IKZF3: variants seen among roughly 807,000 people sequenced by gnomAD.
IKZF3 encodes the protein IKAROS family zinc finger 3.
IKZF3 carries 10 observed loss-of-function variants against 49.0 expected under a neutral mutation model. That is an observed-to-expected ratio of 0.20 (90% CI 0.13 to 0.35). IKZF3 has a LOEUF of 0.35. Among genes scored for constraint, IKZF3 ranks in the 10% least tolerant of loss-of-function variants. IKZF3 has a pLI of 1.00. For synonymous variants in IKZF3, 209 were observed against 228.2 expected, an observed-to-expected ratio of 0.92 and a Z score of 0.76; for missense variants, 498 against 664.8, an observed-to-expected ratio of 0.75 and a Z score of 2.76.
chr17:39,841,723 C>T (rs1333276249), intron 1 of IKZF3, among the ~76,000 whole-genome samples: 1 of 152,050 alleles, frequency 6.6e-6, no homozygotes, highest in Non-Finnish European at 1.5e-5. Flanking sequence ...AGTGGATGTA[C>T]TGGCATGAAC....
intron 1 of IKZF3, among the ~76,000 whole-genome samples, chr17:39,855,412 T>A (rs577377879): frequency 5.3e-5 from 8 of 152,312 alleles, no homozygotes; most frequent in Admixed American, 5.2e-4. Flanking sequence ...ACTTGTTCAG[T>A]CATTATTTGT....
chr17:39,798,184 C>A (rs896284472), intron 3 of IKZF3, among the ~76,000 whole-genome samples: 1 of 152,188 alleles, frequency 6.6e-6, no homozygotes, highest in Non-Finnish European at 1.5e-5. Flanking sequence ...GTAGCCCCCG[C>A]ACTGTTCTCT....
intron 1 of IKZF3, among the ~76,000 whole-genome samples, chr17:39,840,356 T>C (rs912799015): frequency 6.6e-6 from 1 of 152,214 alleles, no homozygotes; most frequent in East Asian, 1.9e-4. Flanking sequence ...AAATGGGGCC[T>C]GCCCTTGTAT....
chr17:39,849,511 T>C (rs2062735646), intron 1 of IKZF3, among the ~76,000 whole-genome samples: 1 of 151,902 alleles, frequency 6.6e-6, no homozygotes, highest in South Asian at 2.1e-4. Context: ...ACACAAAAAT[T>C]AGCCAGGTGG....
chr17:39,860,064 T>C (rs1412429185), intron 1 of IKZF3, among the ~76,000 whole-genome samples: 4 of 152,066 alleles, frequency 2.6e-5, no homozygotes, highest in African/African-American at 9.7e-5. Flanking sequence ...AGACCCCCAT[T>C]TCTACAAAAA....
intron 1 of IKZF3, chr17:39,835,940 C>T: frequency 3.1e-6 from 2 of 651,976 alleles, no homozygotes; most frequent in South Asian, 2.9e-5. Context: ...TCAGCTTCTC[C>T]TGGCCTAGAG....
chr17:39,850,339 T>G (rs922448125), intron 1 of IKZF3, among the ~76,000 whole-genome samples: 2 of 137,836 alleles, frequency 1.5e-5, no homozygotes, highest in African/African-American at 5.4e-5. Flanking sequence ...TAGCATATTA[T>G]ACATGTACAT....
intron 1 of IKZF3, among the ~76,000 whole-genome samples, chr17:39,852,292 C>A (rs2062899711): frequency 6.6e-6 from 1 of 152,162 alleles, no homozygotes; most frequent in Non-Finnish European, 1.5e-5. Flanking sequence ...GGTCTGTAAT[C>A]AACGTTTCTA....
chr17:39,851,405 C>T (rs1255470712), intron 1 of IKZF3, among the ~76,000 whole-genome samples: 1 of 151,990 alleles, frequency 6.6e-6, no homozygotes, highest in East Asian at 1.9e-4. Context: ...TGTAATACAG[C>T]CAAACACTGG....
intron 1 of IKZF3, among the ~76,000 whole-genome samples, chr17:39,854,719 G>T (rs2062988332): frequency 6.6e-6 from 1 of 152,172 alleles, no homozygotes; most frequent in South Asian, 2.1e-4. Context: ...GGAGAAGTTG[G>T]TTTGGATTGG....
At chr17:39,782,264 G>C (rs952407025) in intron 6 of IKZF3, among the ~76,000 whole-genome samples, 1 of 152,142 alleles carries the variant, frequency 6.6e-6, no homozygotes, top group African/African-American at 2.4e-5. Context: ...AACACAAAGA[G>C]CCAGGTTCCA....
chr17:39,820,848 A>G (rs1429534188), intron 3 of IKZF3, among the ~76,000 whole-genome samples: 2 of 152,166 alleles, frequency 1.3e-5, no homozygotes, highest in Non-Finnish European at 2.9e-5. Context: ...TCAGGGAAGA[A>G]GAGAGAGGAA....
intron 1 of IKZF3, among the ~76,000 whole-genome samples, chr17:39,853,059 T>C (rs1233221928): frequency 6.6e-6 from 1 of 151,892 alleles, no homozygotes; most frequent in Non-Finnish European, 1.5e-5. Context: ...AGAGGAGAGG[T>C]CCCTGACCCT....
chr17:39,805,177 T>C (rs1194179263), intron 3 of IKZF3, among the ~76,000 whole-genome samples: 2 of 152,172 alleles, frequency 1.3e-5, no homozygotes, highest in African/African-American at 4.8e-5. Flanking sequence ...TTAGCACTGA[T>C]ACAGAGCTCA....
chr17:39,801,483 G>C (rs2061315919), intron 3 of IKZF3, among the ~76,000 whole-genome samples: 1 of 152,120 alleles, frequency 6.6e-6, no homozygotes, highest in Admixed American at 6.5e-5. Flanking sequence ...GCACTAAAGA[G>C]CAAAATGGGA....
At chr17:39,810,525 C>T (rs922227515) in intron 3 of IKZF3, among the ~76,000 whole-genome samples, 1 of 151,606 alleles carries the variant, frequency 6.6e-6, no homozygotes, top group Non-Finnish European at 1.5e-5. Flanking sequence ...ACTTCTATTT[C>T]CATTTCACTA....
intron 6 of IKZF3, among the ~76,000 whole-genome samples, chr17:39,781,615 C>T (rs1418600857): frequency 3.9e-5 from 6 of 152,166 alleles, no homozygotes; most frequent in Non-Finnish European, 8.8e-5. Context: ...TCTCAGCAGT[C>T]GCTGTCTACA....
chr17:39,782,923 A>C (rs2143786621), intron 6 of IKZF3, among the ~76,000 whole-genome samples: 1 of 152,340 alleles, frequency 6.6e-6, no homozygotes, highest in South Asian at 2.1e-4. Flanking sequence ...AAAATAATAA[A>C]ATGTAGTACA....
chr17:39,804,445 CAAA>C (rs755310056), intron 3 of IKZF3, among the ~76,000 whole-genome samples: 11 of 80,312 alleles, frequency 1.4e-4, no homozygotes, highest in Admixed American at 2.9e-4. Context: ...GACTCTGTCT[CAAA>C]AAAAAAAAAA....
Sources: allele counts gnomAD v4.1 joint callset (sites outside exome capture counted in the v4.1 genomes callset), GRCh38; gene constraint gnomAD v4.1.1; transcripts MANE v1.5; gene names NCBI Gene and HGNC (gene_info 2026-07-23, HGNC 2026-07-21).